COL18A1: variants seen among roughly 807,000 people sequenced by gnomAD.
The protein encoded by COL18A1 is collagen alpha-1(XVIII) chain.
Under a neutral mutation model 168.0 loss-of-function variants are expected in COL18A1, and 133 were observed. That is an observed-to-expected ratio of 0.79 (90% confidence interval 0.69 to 0.91). COL18A1 has a LOEUF of 0.91. COL18A1 is among the 40% of genes least tolerant of loss of function. COL18A1 has a pLI of 0.00. For missense variants in COL18A1, 2,126 were observed against 1,925.4 expected, an observed-to-expected ratio of 1.10 and a Z score of -1.95; for synonymous variants, 949 against 809.0, an observed-to-expected ratio of 1.17 and a Z score of -2.94.
In COL18A1 at chr21:45,512,244, G is replaced by A; in HGVS notation, c.3866G>A (p.Ser1289Asn). ...SDPNGRRLTE[S>N]YCETWRTEAP... Reference sequence around the variant, plus strand: ...CCCAACGGGCGCAGGCTGACCGAGAGCTACTGTGAGACGTGGCGGACGGAG... The same window carrying A: ...CCCAACGGGCGCAGGCTGACCGAGAACTACTGTGAGACGTGGCGGACGGAG... The change falls in exon 42 of 42, where the codon AGC (serine) becomes AAC (asparagine). Residue 1289 changes from serine to asparagine, a missense_variant. Physicochemically the swap from Ser to Asn is conservative, Grantham distance 46. Coordinates refer to ENST00000651438, the MANE Select transcript of COL18A1 (RefSeq NM_001379500.1). The A allele has an allele frequency of 6.2e-7, 1 of 1,612,594 alleles. No homozygotes were observed. Among genetic ancestry groups the A allele is most frequent in the Non-Finnish European group, 8.5e-7 (1 of 1,179,784 alleles).
rs1017815787 is a variant in COL18A1 at position 45,477,934 on chromosome 21, G to A, written c.1190G>A (p.Arg397Lys). ...CAAGGACCCCCAGGGCCTCCGGGGA[G>A]GGACGGCACCCCTGGAAGGGACGGC... ...GPQGPPGPPG[R>K]DGTPGRDGEP... Residue 397 changes from arginine to lysine, a missense_variant, in exon 8 of 42, where the codon AGG (arginine) becomes AAG (lysine). Transcript: ENST00000651438. 6.4e-7 allele frequency: 1 copy of A among 1,560,028 alleles called. No homozygotes were observed. The highest frequency in any genetic ancestry group is 8.7e-7 in the Non-Finnish European group (1 of 1,150,282).
chr21:45,408,667 G>A (rs1220182799), intron 2 of COL18A1: 1 of 152,148 alleles, frequency 6.6e-6, no homozygotes, highest in Non-Finnish European at 1.5e-5. Flanking sequence ...CGCTGATTGT[G>A]TGGGGGCAGG....
At chr21:45,444,377 C>T (rs2034460314) in intron 2 of COL18A1, among the ~76,000 whole-genome samples, 1 of 151,904 alleles carries the variant, frequency 6.6e-6, no homozygotes, top group African/African-American at 2.4e-5. Flanking sequence ...GTGGGATGTG[C>T]AGAGTGAATG....
At chr21:45,502,490 G>A (rs1459842014) in intron 32 of COL18A1, 1 of 152,206 alleles carries the variant, frequency 6.6e-6, no homozygotes, top group Non-Finnish European at 1.5e-5. Flanking sequence ...AAATAGATGG[G>A]AAGAAGTATT....
intron 26 of COL18A1, chr21:45,494,279 G>A (rs567146864): frequency 6.6e-5 from 30 of 452,402 alleles, no homozygotes; most frequent in African/African-American, 5.1e-4. Flanking sequence ...CTGCTTCAGG[G>A]TCCCGGGGCA....
At chr21:45,504,690 C>G (rs1054031704) in intron 34 of COL18A1, 134 bp downstream of exon 34, 1 of 773,004 alleles carries the variant, frequency 1.3e-6, no homozygotes. Context: ...CCCGACATGT[C>G]CCTGTCCCCG....
At chr21:45,436,821 C>T (rs1016664433) in intron 2 of COL18A1, among the ~76,000 whole-genome samples, 2 of 136,546 alleles carry the variant, frequency 1.5e-5, no homozygotes, top group Non-Finnish European at 3.1e-5. Flanking sequence ...TACTGGGGAG[C>T]TGTGGCTGGG....
At chr21:45,453,557 CAGG>C (rs925158187) in intron 2 of COL18A1, among the ~76,000 whole-genome samples, 5 of 152,312 alleles carry the variant, frequency 3.3e-5, no homozygotes, top group South Asian at 2.1e-4. Context: ...CTAGGATTTC[CAGG>C]AGGTTAAACG....
intron 38 of COL18A1, among the ~76,000 whole-genome samples, chr21:45,508,575 C>G (rs1173544795): frequency 6.6e-6 from 1 of 151,654 alleles, no homozygotes; most frequent in African/African-American, 2.4e-5. Flanking sequence ...AGTGTTGCGT[C>G]CAGCTGCTGT....
intron 19 of COL18A1, among the ~76,000 whole-genome samples, chr21:45,489,873 A>ACTTC (rs2036242703): frequency 7.8e-5 from 1 of 12,770 alleles, no homozygotes; most frequent in Non-Finnish European, 1.7e-4. Context: ...CCCCTCCCCC[A>ACTTC]CACCTCCTCC....
At chr21:45,476,741 CATGT>C (rs1355472883) in intron 6 of COL18A1, among the ~76,000 whole-genome samples, 2 of 144,544 alleles carry the variant, frequency 1.4e-5, no homozygotes, top group Admixed American at 6.9e-5. Context: ...TGCATGTGGG[CATGT>C]GTGTGTGCAG....
rs1285405942 is a variant in COL18A1 at position 45,460,039 on chromosome 21, C to T, written c.107-8203C>T. Among the ~76,000 whole-genome samples the T allele has an allele frequency of 8.5e-5, 13 of 152,274 alleles. No individual in the cohort carries two copies. The East Asian group carries it at 2.3e-3, about 27-fold the overall frequency. Reference sequence around the variant, plus strand: ...CAAGCATCCTCTGACCTGGGAGCTGCGTATTGTTCCCGTTTACAGGTGAGA... The same window carrying T: ...CAAGCATCCTCTGACCTGGGAGCTGTGTATTGTTCCCGTTTACAGGTGAGA... On this transcript the variant is annotated intron_variant, in intron 2 of 41. Transcript: ENST00000651438.
At chr21:45,492,493 C>T (rs752125572) in intron 22 of COL18A1, 42 bp from the exon 23 acceptor site, 39 of 1,612,416 alleles carry the variant, frequency 2.4e-5, no homozygotes, top group South Asian at 2.0e-4. Flanking sequence ...GAATTTTAAA[C>T]GCGGCTCTTT....
intron 2 of COL18A1, chr21:45,455,447 G>C (rs1027815493): frequency 1.3e-6 from 2 of 1,581,924 alleles, no homozygotes; most frequent in African/African-American, 2.7e-5. Context: ...GCACAGGGGA[G>C]GGCAGGAGGG....
At chr21:45,480,591 A>AT in intron 12 of COL18A1, 71 bp downstream of exon 12, 1 of 1,613,400 alleles carries the variant, frequency 6.2e-7, no homozygotes, top group African/African-American at 1.3e-5. Context: ...GACCCCCAAG[A>AT]TTCAGCTGGG....
chr21:45,512,065 C>A, intron 41 of COL18A1, 123 bp from the exon 42 acceptor site: 1 of 1,059,304 alleles, frequency 9.4e-7, no homozygotes, highest in Non-Finnish European at 1.4e-6. Flanking sequence ...GTTGTGGGAG[C>A]CTCTGCAGCC....
intron 2 of COL18A1, among the ~76,000 whole-genome samples, chr21:45,438,271 GACAC>G (rs567064430): frequency 2.3e-5 from 1 of 44,118 alleles, no homozygotes; most frequent in Non-Finnish European, 4.1e-5. Context: ...CTCACACTCA[GACAC>G]ACAGGCACTC....
intron 2 of COL18A1, among the ~76,000 whole-genome samples, chr21:45,442,995 G>A (rs1176261783): frequency 1.4e-5 from 2 of 146,762 alleles, no homozygotes; most frequent in African/African-American, 2.6e-5. Context: ...CGGTGCTGGT[G>A]TGGGCGGCGG....
chr21:45,437,233 G>T, intron 2 of COL18A1, among the ~76,000 whole-genome samples: 1 of 79,336 alleles, frequency 1.3e-5, no homozygotes, highest in Non-Finnish European at 2.3e-5. Context: ...CAGACACACA[G>T]GCACTCTCCT....
Sources: allele counts gnomAD v4.1 joint callset (sites outside exome capture counted in the v4.1 genomes callset), GRCh38; gene constraint gnomAD v4.1.1; transcripts MANE v1.5; gene names NCBI Gene and HGNC (gene_info 2026-07-23, HGNC 2026-07-21).